The following PROS1 variants were observed in gnomAD, a reference collection of about 807,000 sequenced individuals.
PROS1 encodes protein S, also known as vitamin K-dependent protein S.
Under a neutral mutation model 75.9 loss-of-function variants are expected in PROS1, and 29 were observed. The ratio of observed to expected loss-of-function variants is 0.38; its 90% CI spans 0.28 to 0.52. The LOEUF (loss-of-function observed/expected upper bound fraction) is 0.52, where lower values mean the gene tolerates loss of function less well. Ranked by LOEUF, PROS1 falls within the 20% of genes least tolerant of loss-of-function variation. The probability of loss-of-function intolerance (pLI) is 0.83; values close to 1 mark genes in which losing one functional copy is unlikely to be tolerated. For missense variants in PROS1, 680 were observed against 810.3 expected (o/e 0.84, Z 1.95); for synonymous variants, 245 against 280.6 (o/e 0.87, Z 1.27).
At chr3:93,884,005 T>G (rs1473235547) in intron 12 of PROS1, among the ~76,000 whole-genome samples, 1 of 152,096 alleles carries the variant, frequency 6.6e-6, no homozygotes, top group Non-Finnish European at 1.5e-5. Context: ...TTAAGGGTAA[T>G]CCTGGCACCA....
intron 13 of PROS1, among the ~76,000 whole-genome samples, chr3:93,878,319 T>G (rs2107127309): frequency 6.6e-6 from 1 of 152,310 alleles, no homozygotes; most frequent in Admixed American, 6.5e-5. Context: ...ATCAGGATAT[T>G]TTTAGGTTAC....
intron 1 of PROS1, among the ~76,000 whole-genome samples, chr3:93,937,354 T>C (rs1412195237): frequency 6.9e-6 from 1 of 145,802 alleles, no homozygotes; most frequent in Non-Finnish European, 1.5e-5. Context: ...CATTGGTTTC[T>C]AAGTCATGAG....
Position 93,927,414 on chromosome 3 carries a change from GAAAC to G in PROS1, c.77-11_77-8del, listed in dbSNP as rs759707915. Reference sequence around the variant, plus strand: ...GCCTGTTGCTTTGACAAAACTGAAGGAAACAATCAGTTTATATGAATTAATCATT... The same window carrying G: ...GCCTGTTGCTTTGACAAAACTGAAGGAATCAGTTTATATGAATTAATCATT... On this transcript the variant is annotated splice_polypyrimidine_tract_variant and splice_region_variant and intron_variant, in intron 1 of 14. Transcript: ENST00000394236. The G allele has an allele frequency of 1.4e-5, 23 of 1,613,482 alleles. No individual in the cohort carries two copies. In the South Asian group the frequency reaches 2.5e-4, roughly 18 times the overall value.
Position 93,893,068 on chromosome 3 carries a change from G to A in PROS1, c.1020C>T (p.Tyr340=), listed in dbSNP as rs374634410. The A allele has an allele frequency of 3.2e-5, 52 of 1,613,882 alleles. No individual in the cohort carries two copies. Among genetic ancestry groups the A allele is most frequent in the East Asian group, 6.7e-5 (3 of 44,866 alleles). Residue 340 remains tyrosine, a synonymous_variant, in exon 10 of 15, where the codon TAC becomes TAT. Coordinates refer to ENST00000394236, the MANE Select transcript of PROS1 (RefSeq NM_000313.4). ...ACGCTGAGTGATCGATAGATTCTGCGTACAGTATCACGCCTTCTGAATCAT... is the reference window on the plus strand; with the variant it reads ...ACGCTGAGTGATCGATAGATTCTGCATACAGTATCACGCCTTCTGAATCAT... ...RTYDSEGVIL[Y]AESIDHSAWL...
chr3:93,954,062 C>T (rs551819300), intron 1 of PROS1, among the ~76,000 whole-genome samples: 118 of 152,030 alleles, frequency 7.8e-4, no homozygotes, highest in African/African-American at 2.7e-3. Flanking sequence ...CCCTGCTCAA[C>T]GAAATAAAAG....
Position 93,886,498 on chromosome 3 carries a change from A to G in PROS1, c.1161T>C (p.Ser387=). The change falls in exon 11 of 15, where the codon TCT becomes TCC. Residue 387 remains serine (S), a synonymous_variant. Transcript: ENST00000394236. Reference sequence around the variant, plus strand: ...TAATACTATGTTCTAATTCTTCCACAGACACCTACAATTAAAAAGAAAAAT... The same window carrying G: ...TAATACTATGTTCTAATTCTTCCACGGACACCTACAATTAAAAAGAAAAAT... The part of the protein sequence containing the change: ...VINNGLWNMV[S]VEELEHSISI... 1 of 1,605,582 alleles carries G rather than the reference A, an allele frequency of 6.2e-7. No homozygotes were observed. Among genetic ancestry groups the G allele is most frequent in the Non-Finnish European group, 8.5e-7 (1 of 1,172,454 alleles).
intron 1 of PROS1, among the ~76,000 whole-genome samples, chr3:93,963,211 G>T (rs1709734935): frequency 6.6e-6 from 1 of 152,110 alleles, no homozygotes; most frequent in South Asian, 2.1e-4. Context: ...TTGTTTGTTT[G>T]TTTTTTGGGA....
intron 1 of PROS1, 111 bp downstream of exon 1, chr3:93,973,563 T>C: frequency 8.6e-7 from 1 of 1,168,862 alleles, no homozygotes; most frequent in Non-Finnish European, 1.3e-6. Context: ...CGGTACTTAC[T>C]GGAAACTTTC....
chr3:93,917,664 G>A (rs567281752), intron 3 of PROS1, among the ~76,000 whole-genome samples: 6 of 152,246 alleles, frequency 3.9e-5, no homozygotes, highest in Middle Eastern at 3.4e-3. Flanking sequence ...CGTGGGCTTG[G>A]CGGGCCGGCA....
rs1225326082 is a variant in PROS1, at chr3:93,936,851, A to G, written c.77-9444T>C. The stretch of plus-strand genomic sequence containing the variant: ...TGGCTTCTCCCTCTAGGACCACATA[A>G]AAATGATATTAAGATAAATGTTTAA... On this transcript the variant is annotated intron_variant, in intron 1 of 14. Transcript: ENST00000394236. Among the ~76,000 whole-genome samples the G allele has an allele frequency of 3.3e-5, 5 of 152,228 alleles. No homozygotes were observed. The East Asian group carries it at 9.6e-4, about 29-fold the overall frequency.
At chr3:93,877,807 T>C (rs1048496683) in intron 13 of PROS1, among the ~76,000 whole-genome samples, 15 of 152,230 alleles carry the variant, frequency 9.9e-5, no homozygotes, top group South Asian at 6.2e-4. Context: ...ACTCAATGTG[T>C]TGAGTGTGAT....
chr3:93,882,877 C>T (rs1247517018), intron 12 of PROS1, among the ~76,000 whole-genome samples: 1 of 152,182 alleles, frequency 6.6e-6, no homozygotes, highest in East Asian at 1.9e-4. Flanking sequence ...GTCTCCTCTA[C>T]ACAACACAAG....
At chr3:93,905,478 A>T (rs1228429370) in intron 6 of PROS1, among the ~76,000 whole-genome samples, 1 of 152,124 alleles carries the variant, frequency 6.6e-6, no homozygotes, top group African/African-American at 2.4e-5. Context: ...GGTGGCATGC[A>T]CTTGTAGTCC....
chr3:93,962,956 G>C (rs374185245), intron 1 of PROS1, among the ~76,000 whole-genome samples: 1 of 152,212 alleles, frequency 6.6e-6, no homozygotes, highest in East Asian at 1.9e-4. Context: ...ATATAGATGG[G>C]AACCATAGTA....
At chr3:93,893,176 T>G in intron 9 of PROS1, 54 bp from the exon 10 acceptor site, 1 of 1,465,266 alleles carries the variant, frequency 6.8e-7, no homozygotes, top group Non-Finnish European at 9.4e-7. Flanking sequence ...GAAAGCTCAA[T>G]GCATTATTCT....
intron 6 of PROS1, among the ~76,000 whole-genome samples, chr3:93,903,253 G>A (rs1163102146): frequency 6.6e-6 from 1 of 152,126 alleles, no homozygotes; most frequent in African/African-American, 2.4e-5. Context: ...ATGAATATAA[G>A]AACAGATGTG....
intron 1 of PROS1, among the ~76,000 whole-genome samples, chr3:93,943,815 T>C (rs1344895650): frequency 6.6e-6 from 1 of 152,174 alleles, no homozygotes; most frequent in Non-Finnish European, 1.5e-5. Flanking sequence ...CTGATGACTT[T>C]ACCTTGTGAA....
At chr3:93,958,059 G>A (rs568292207) in intron 1 of PROS1, among the ~76,000 whole-genome samples, 3 of 152,066 alleles carry the variant, frequency 2.0e-5, no homozygotes, top group East Asian at 1.9e-4. Flanking sequence ...CTGCACTCCA[G>A]CCTGGGCAAC....
chr3:93,941,206 T>C (rs1363217231), intron 1 of PROS1, among the ~76,000 whole-genome samples: 1 of 152,196 alleles, frequency 6.6e-6, no homozygotes, highest in Non-Finnish European at 1.5e-5. Context: ...TTATTCAATA[T>C]GTTGATGACC....
Sources: allele counts gnomAD v4.1 joint callset (sites outside exome capture counted in the v4.1 genomes callset), GRCh38; gene constraint gnomAD v4.1.1; transcripts MANE v1.5; gene names NCBI Gene and HGNC (gene_info 2026-07-23, HGNC 2026-07-21).